RDH12: variants seen among roughly 807,000 people sequenced by gnomAD.
RDH12 encodes the protein all-trans and 9-cis retinol dehydrogenase.
In RDH12, 21 loss-of-function variants were observed where a neutral mutation model predicts 34.0. The observed-to-expected ratio is 0.62, with a 90% CI of 0.44 to 0.89. RDH12 has a LOEUF of 0.89. RDH12 is among the 40% of genes least tolerant of loss of function. The probability of loss-of-function intolerance (pLI) is 0.00; values close to 1 mark genes in which losing one functional copy is unlikely to be tolerated. For missense variants in RDH12, 394 were observed against 398.6 expected, an observed-to-expected ratio of 0.99 and a Z score of 0.10; for synonymous variants, 198 against 169.9, an observed-to-expected ratio of 1.17 and a Z score of -1.29.
chr14:67,733,786 A>G lies in RDH12; in HGVS notation c.889A>G (p.Asn297Asp). The G allele has an allele frequency of 6.2e-7, 1 of 1,613,576 alleles. No individual in the cohort carries two copies. The highest frequency in any genetic ancestry group is 1.1e-5 in the South Asian group (1 of 91,064). The stretch of plus-strand genomic sequence containing the variant: ...CTGGGTGTCTCCAAGGGCCCGAAAT[A>G]ACAAAACAGCTGAGCGCCTATGGAA... The part of the protein sequence containing the change: ...RTWVSPRARN[N>D]KTAERLWNVS... The change falls in exon 9 of 9, where the codon AAC (asparagine) becomes GAC (aspartate). Residue 297 changes from asparagine to aspartate, a missense_variant. Asn to Asp is a conservative substitution (Grantham distance 23). Coordinates refer to ENST00000551171, the MANE Select transcript of RDH12 (RefSeq NM_152443.3).
chr14:67,712,420 C>T (rs529444517), intron 1 of RDH12, among the ~76,000 whole-genome samples: 1 of 149,204 alleles, frequency 6.7e-6, no homozygotes, highest in South Asian at 2.1e-4. Flanking sequence ...CCTTAAAAAT[C>T]CCAGAGTGGC....
chr14:67,713,795 T>A (rs1161237955), intron 1 of RDH12, among the ~76,000 whole-genome samples: 1 of 152,138 alleles, frequency 6.6e-6, no homozygotes, highest in African/African-American at 2.4e-5. Context: ...ACGTGAGACA[T>A]CAATCAACAT....
chr14:67,726,084 C>A lies in RDH12; in HGVS notation c.377C>A (p.Ala126Glu), dbSNP rs202126574. 3 of 1,613,818 alleles carry A rather than the reference C, an allele frequency of 1.9e-6. No homozygotes were observed. The highest frequency in any genetic ancestry group is 2.5e-6 in the Non-Finnish European group (3 of 1,179,766). Residue 126 changes from alanine to glutamate, a missense_variant, in exon 6 of 9, where the codon GCG (alanine) becomes GAG (glutamate). Coordinates refer to ENST00000551171, the MANE Select transcript of RDH12 (RefSeq NM_152443.3). ...EKQLHILINN[A>E]GVMMCPYSKT... ...CAGCTCCATATTCTGATCAACAATG[C>A]GGGAGTAATGATGTGTCCATATTCC...
At chr14:67,719,463 GTTTA>G (rs1183912893) in intron 1 of RDH12, among the ~76,000 whole-genome samples, 3 of 152,028 alleles carry the variant, frequency 2.0e-5, no homozygotes, top group Non-Finnish European at 4.4e-5. Context: ...TTGCTGAAAA[GTTTA>G]TTTATTTTTT....
chr14:67,703,415 T>A (rs1487822903), intron 1 of RDH12, among the ~76,000 whole-genome samples: 3 of 152,224 alleles, frequency 2.0e-5, no homozygotes, highest in Non-Finnish European at 4.4e-5. Context: ...CTGAATCGTA[T>A]AAGAAAAACA....
Position 67,727,141 on chromosome 14 carries a change from C to A in RDH12, c.609C>A (p.Ser203Arg), listed in dbSNP as rs753959716. ...RYSRGFAYCH[S>R]KLANVLFTRE... ...GCAGGGGTTTTGCCTATTGCCACAG[C>A]AAGCTGGCCAATGTGCTTTTTACTC... The change falls in exon 7 of 9, where the codon AGC becomes AGA. Residue 203 changes from serine (S) to arginine (R), a missense_variant. Ser to Arg is a moderately radical substitution (Grantham distance 110). Coordinates refer to ENST00000551171, the MANE Select transcript of RDH12 (RefSeq NM_152443.3). The A allele has an allele frequency of 1.2e-5, 20 of 1,614,128 alleles. No homozygotes were observed. In the South Asian group the frequency reaches 1.3e-4, roughly 11 times the overall value.
chr14:67,734,025 G>T lies in RDH12; in HGVS notation c.*177G>T, dbSNP rs2038321214. 1.8e-6 allele frequency: 1 copy of T among 561,202 alleles called. No homozygotes were observed. Among genetic ancestry groups the T allele is most frequent in the Non-Finnish European group, 3.3e-6 (1 of 299,820 alleles). 34.8% of individuals were successfully genotyped at this position (561,202 alleles called of 1,614,324 possible). ...GCACACCTGACACTCTTGTGAGACTGGCTTATGGCATGAGTTGTGGACACC... is the reference window on the plus strand; with the variant it reads ...GCACACCTGACACTCTTGTGAGACTTGCTTATGGCATGAGTTGTGGACACC... On this transcript the variant is annotated 3_prime_UTR_variant, in exon 9 of 9. Transcript: ENST00000551171.
Position 67,731,207 on chromosome 14 carries a change from C to CT in RDH12, c.848+1851dup, listed in dbSNP as rs71129853. Among the ~76,000 whole-genome samples the CT allele has an allele frequency of 7.5e-3, 680 of 90,600 alleles. 1 individual carries two copies. Among genetic ancestry groups the CT allele is most frequent in the African/African-American group, 0.031 (625 of 20,368 alleles). 59.4% of individuals were successfully genotyped at this position (90,600 alleles called of 152,430 possible). Reference sequence around the variant, plus strand: ...TGTTTCTCATCATATTTCTTTCTTTCTTTTTTTTTTTTTTTTTTTTTTTTG... The same window carrying CT: ...TGTTTCTCATCATATTTCTTTCTTTCTTTTTTTTTTTTTTTTTTTTTTTTTG... On this transcript the variant is annotated intron_variant, in intron 8 of 8. Transcript: ENST00000551171.
chr14:67,729,788 C>T (rs1327041516), intron 8 of RDH12: 2 of 500,096 alleles, frequency 4.0e-6, no homozygotes, highest in Middle Eastern at 3.2e-4. Context: ...GGTGTGAACT[C>T]TGTCCCTCAA....
At chr14:67,709,644 A>G (rs910213580) in intron 1 of RDH12, among the ~76,000 whole-genome samples, 2 of 152,162 alleles carry the variant, frequency 1.3e-5, no homozygotes, top group Non-Finnish European at 2.9e-5. Context: ...GGAGTTTAAT[A>G]GCTTTAATTT....
intron 8 of RDH12, among the ~76,000 whole-genome samples, chr14:67,731,641 A>G (rs559157911): frequency 1.3e-5 from 2 of 152,178 alleles, no homozygotes; most frequent in South Asian, 4.1e-4. Flanking sequence ...TAATTAATAT[A>G]AAAATGTTAG....
At chr14:67,702,217 C>T (rs962103076) in intron 1 of RDH12, among the ~76,000 whole-genome samples, 7 of 152,040 alleles carry the variant, frequency 4.6e-5, no homozygotes, top group Non-Finnish European at 7.4e-5. Flanking sequence ...GATTCTCCCA[C>T]CTTAGGGTCC....
In RDH12 at chr14:67,709,745, A is replaced by C. The variant is rs191573027; in HGVS notation, c.-275+7810A>C. Among the ~76,000 whole-genome samples, 437 of 152,330 alleles carry C rather than the reference A, an allele frequency of 2.9e-3. 3 individuals carry two copies. Among genetic ancestry groups the C allele is most frequent in the Non-Finnish European group, 4.2e-3 (286 of 68,032 alleles). On this transcript the variant is annotated intron_variant, in intron 1 of 8. Coordinates refer to ENST00000551171, the MANE Select transcript of RDH12 (RefSeq NM_152443.3). ...GGGCTTTAATGGCTGTCAGTGTTTA[A>C]AAAATTAGCAGGACTTTGATGTCCT...
At chr14:67,708,868 C>T (rs965812529) in intron 1 of RDH12, among the ~76,000 whole-genome samples, 17 of 150,458 alleles carry the variant, frequency 1.1e-4, no homozygotes, top group African/African-American at 2.0e-4. Flanking sequence ...TCTTGGCTCA[C>T]GGCAACCTCT....
At chr14:67,722,909 G>A (rs2038142197) in intron 3 of RDH12, among the ~76,000 whole-genome samples, 199 bp downstream of exon 3, 1 of 152,198 alleles carries the variant, frequency 6.6e-6, no homozygotes, top group Admixed American at 6.5e-5. Context: ...CAGAGGTGGG[G>A]CTGAGTTCTG....
intron 8 of RDH12, among the ~76,000 whole-genome samples, chr14:67,732,288 A>G (rs1594869455): frequency 6.6e-6 from 1 of 151,696 alleles, no homozygotes. Flanking sequence ...AAATCAAAAA[A>G]TTAGCCCAGC....
In RDH12 at chr14:67,733,742, C is replaced by T. The variant is rs1259469107; in HGVS notation, c.849-4C>T. 1.2e-6 allele frequency: 2 copies of T among 1,606,258 alleles called. No homozygotes were observed. Among genetic ancestry groups the T allele is most frequent in the African/African-American group, 1.3e-5 (1 of 74,788 alleles). On this transcript the variant is annotated splice_polypyrimidine_tract_variant and splice_region_variant and intron_variant, in intron 8 of 8. Transcript: ENST00000551171. ...GGAATTTACTGTCTTTCTCTGCCCT[C>T]CAGTGACTGCAAGAGGACCTGGGTG... is the stretch of plus-strand genomic sequence containing the variant.
At chr14:67,731,448 C>G (rs2038273914) in intron 8 of RDH12, among the ~76,000 whole-genome samples, 2 of 151,932 alleles carry the variant, frequency 1.3e-5, no homozygotes, top group African/African-American at 4.8e-5. Flanking sequence ...CTCCTGACCT[C>G]AAGTGATCCG....
chr14:67,729,810 T>C (rs778368027), intron 8 of RDH12: 13 of 489,770 alleles, frequency 2.7e-5, no homozygotes, highest in South Asian at 1.9e-4. Context: ...GCTGCCAAGA[T>C]TGGCACTATC....
Sources: gnomAD v4.1 joint callset for allele counts (sites outside exome capture counted in the v4.1 genomes callset) on GRCh38, gnomAD v4.1.1 for gene constraint, MANE v1.5 for transcripts, NCBI Gene and HGNC (gene_info 2026-07-23, HGNC 2026-07-21) for gene names.